Variants in ZNF638 observed in about 807,000 individuals in gnomAD.
The protein encoded by ZNF638 is CTCL tumor antigen se33-1.
ZNF638 carries 46 observed loss-of-function variants against 195.6 expected under a neutral mutation model. That is an observed-to-expected ratio of 0.24 (90% CI 0.19 to 0.30). The LOEUF (loss-of-function observed/expected upper bound fraction) is 0.30. Among genes scored for constraint, ZNF638 ranks in the 10% least tolerant of loss-of-function variants. The pLI is 1.00. For synonymous variants in ZNF638, 845 were observed against 772.0 expected (o/e 1.09, Z -1.57); for missense variants, 2,440 against 2,325.3 (o/e 1.05, Z -1.01).
At position 71,424,694 on chromosome 2, in the gene ZNF638, T is replaced by C. The variant is rs1295571630; in HGVS notation, c.4569T>C (p.Gly1523=). The change falls in exon 23 of 28, where the codon GGT becomes GGC. Residue 1523 remains glycine, a synonymous_variant. Coordinates refer to ENST00000264447, the MANE Select transcript of ZNF638 (RefSeq NM_014497.5). ...QNTKNPKSTT[G]RSSKSKEEPL... ...CTAAGAATCCTAAAAGCACTACTGG[T>C]AGAAGTTCCAAATCTAAAGAGGTAA... The C allele has an allele frequency of 6.2e-7, 1 of 1,613,520 alleles. No homozygotes were observed. Among genetic ancestry groups the C allele is most frequent in the African/African-American group, 1.3e-5 (1 of 74,982 alleles).
chr2:71,380,310 A>G, intron 9 of ZNF638, 30 bp downstream of exon 9: 1 of 1,454,316 alleles, frequency 6.9e-7, no homozygotes, highest in Non-Finnish European at 9.3e-7. Context: ...CATATGTGAG[A>G]ATGAAATGTG....
rs199581220 is a variant in ZNF638 at position 71,349,959 on chromosome 2, A to G, written c.1005A>G (p.Gln335=). 1.2e-5 allele frequency: 20 copies of G among 1,614,152 alleles called. No individual in the cohort carries two copies. In the South Asian group the frequency reaches 1.5e-4, roughly 12 times the overall value. The change falls in exon 2 of 28, where the codon CAA becomes CAG. Residue 335 remains glutamine (Q), a synonymous_variant. Transcript: ENST00000264447. The stretch of plus-strand genomic sequence containing the variant: ...TGATTCCTCCATCTATGAACCAGCA[A>G]CCTTTTTCGTCGGAATTAATTTCAT... ...QSLIPPSMNQ[Q]PFSSELISSV...
At chr2:71,380,055 A>C (rs2079508327) in intron 8 of ZNF638, 167 bp from the exon 9 acceptor site, 1 of 445,876 alleles carries the variant, frequency 2.2e-6, no homozygotes, top group South Asian at 4.2e-5. Context: ...GAAAGATGAG[A>C]TGTAAAATTA....
rs765284347 is a variant in ZNF638, at chr2:71,396,128, CTTG to C, written c.2378-7_2378-5del. 1.7e-5 allele frequency: 27 copies of C among 1,611,302 alleles called. No individual in the cohort carries two copies. In the African/African-American group the frequency reaches 2.3e-4, roughly 14 times the overall value. ...TGTAATGTAGTACTTAAATGTTTTT[CTTG>C]TTGTTTTAGCCAAAACTGGACAAGC... On this transcript the variant is annotated splice_polypyrimidine_tract_variant and intron_variant, in intron 10 of 27. Coordinates refer to ENST00000264447, the MANE Select transcript of ZNF638 (RefSeq NM_014497.5).
intron 26 of ZNF638, 105 bp from the exon 27 acceptor site, chr2:71,433,060 C>A: frequency 1.1e-6 from 1 of 935,184 alleles, no homozygotes; most frequent in Non-Finnish European, 1.7e-6. Context: ...GCCCTCCAAC[C>A]TGGATGACAG....
At chr2:71,336,310 C>T (rs914476005) in intron 1 of ZNF638, among the ~76,000 whole-genome samples, 5 of 136,630 alleles carry the variant, frequency 3.7e-5, no homozygotes, top group African/African-American at 1.3e-4. Context: ...GCGGAGGTTG[C>T]GGTGAGCCGA....
intron 10 of ZNF638, among the ~76,000 whole-genome samples, chr2:71,383,046 G>A (rs1370499801): frequency 6.6e-6 from 1 of 152,204 alleles, no homozygotes; most frequent in African/African-American, 2.4e-5. Context: ...TGTTTGGCTG[G>A]GTGCGATGGC....
Position 71,375,788 on chromosome 2 carries a change from A to G in ZNF638, c.2266-4434A>G, listed in dbSNP as rs1573074421. 3 of 152,374 alleles carry G rather than the reference A, an allele frequency of 2.0e-5. No homozygotes were observed. In the East Asian group the frequency reaches 5.8e-4, roughly 29 times the overall value. The allele number at this position is 152,374 out of a possible 1,614,324, so 9.4% of individuals were successfully genotyped here. On this transcript the variant is annotated intron_variant, in intron 8 of 27. Coordinates refer to ENST00000264447, the MANE Select transcript of ZNF638 (RefSeq NM_014497.5). Reference sequence around the variant, plus strand: ...TTTGAAGGCAAAGAAAGCCTAGCAGATTGATTAAAGTGGAGAAGAGCACTG... The same window carrying G: ...TTTGAAGGCAAAGAAAGCCTAGCAGGTTGATTAAAGTGGAGAAGAGCACTG...
intron 21 of ZNF638, among the ~76,000 whole-genome samples, chr2:71,421,453 T>C (rs74498685): frequency 0.044 from 6,670 of 152,290 alleles, 204 homozygotes; most frequent in Non-Finnish European, 0.066. Flanking sequence ...GAGGTATTTC[T>C]CTAATCTGGT....
intron 16 of ZNF638, among the ~76,000 whole-genome samples, chr2:71,403,652 A>G (rs76191177): frequency 2.0e-5 from 3 of 152,074 alleles, no homozygotes; most frequent in East Asian, 3.9e-4. Flanking sequence ...TTGCCTTAGT[A>G]TAGTAAGTTT....
intron 4 of ZNF638, 152 bp downstream of exon 4, chr2:71,363,343 C>A: frequency 1.7e-6 from 1 of 599,914 alleles, no homozygotes; most frequent in Non-Finnish European, 2.9e-6. Context: ...CTTATTCCAG[C>A]TTAAAGGTGA....
rs752080236 is a variant in ZNF638, at chr2:71,364,079, T to C, written c.1544T>C (p.Met515Thr). Residue 515 changes from methionine to threonine, a missense_variant, in exon 5 of 28, where the codon ATG (methionine) becomes ACG (threonine). Met to Thr is a moderately conservative substitution (Grantham distance 81). This residue lies in a region of ZNF638 where 1,883 missense variants were observed against 1,739.1 expected (regional missense o/e 1.08). Coordinates refer to ENST00000264447, the MANE Select transcript of ZNF638 (RefSeq NM_014497.5). ...CGGTCTCGAAGCCCAATGCATTACA[T>C]GTATAGGCCGAGAAGTCGAAGTCCA... ...FRRSRSPMHYMYRPRSRSPRI... is the reference protein window; with the variant it reads ...FRRSRSPMHYTYRPRSRSPRI... 1.7e-5 allele frequency: 27 copies of C among 1,614,180 alleles called. No homozygotes were observed. The highest frequency in any genetic ancestry group is 2.1e-5 in the Non-Finnish European group (25 of 1,180,038).
At chr2:71,334,890 C>T (rs2078638436) in intron 1 of ZNF638, among the ~76,000 whole-genome samples, 1 of 150,646 alleles carries the variant, frequency 6.6e-6, no homozygotes, top group East Asian at 1.9e-4. Flanking sequence ...CACTGCACTC[C>T]AGCCTGGGCG....
chr2:71,345,501 ACCACCTCAGCCT>A (rs2078836117), intron 1 of ZNF638, among the ~76,000 whole-genome samples: 3 of 152,110 alleles, frequency 2.0e-5, no homozygotes, highest in Non-Finnish European at 4.4e-5. Context: ...AAGCAGTCCT[ACCACCTCAGCCT>A]CCTGAGTAGC....
chr2:71,388,654 C>T (rs777804726), intron 10 of ZNF638: 2 of 904,796 alleles, frequency 2.2e-6, no homozygotes, highest in East Asian at 2.4e-5. Context: ...AGCTGGTGCC[C>T]CTCGTGAGGA....
At chr2:71,390,865 G>GA (rs942390507) in intron 10 of ZNF638, among the ~76,000 whole-genome samples, 3 of 149,426 alleles carry the variant, frequency 2.0e-5, no homozygotes, top group African/African-American at 7.3e-5. Context: ...GATTTGGAGG[G>GA]AAAAAACAGT....
At chr2:71,385,020 G>T (rs929322692) in intron 10 of ZNF638, among the ~76,000 whole-genome samples, 1 of 152,158 alleles carries the variant, frequency 6.6e-6, no homozygotes, top group African/African-American at 2.4e-5. Flanking sequence ...CAGGAGAAGG[G>T]AAAGCTTCCT....
chr2:71,368,545 G>C lies in ZNF638; in HGVS notation c.2142+17G>C. On this transcript the variant is annotated intron_variant, in intron 7 of 27. Coordinates refer to ENST00000264447, the MANE Select transcript of ZNF638 (RefSeq NM_014497.5). Reference sequence around the variant, plus strand: ...AGAAAAGAGGTGAGTCATTTAGTCTGTGGCAAAAATTCATACAAAGTGATT... The same window carrying C: ...AGAAAAGAGGTGAGTCATTTAGTCTCTGGCAAAAATTCATACAAAGTGATT... 2 of 1,607,830 alleles carry C rather than the reference G, an allele frequency of 1.2e-6. No individual in the cohort carries two copies. Among genetic ancestry groups the C allele is most frequent in the Non-Finnish European group, 1.7e-6 (2 of 1,178,360 alleles).
intron 10 of ZNF638, among the ~76,000 whole-genome samples, chr2:71,393,824 T>C (rs571088686): frequency 6.6e-6 from 1 of 152,252 alleles, no homozygotes; most frequent in East Asian, 1.9e-4. Flanking sequence ...GATTGACTTA[T>C]CCCAGTAGGG....
Sources: allele counts gnomAD v4.1 joint callset (sites outside exome capture counted in the v4.1 genomes callset), GRCh38; gene constraint gnomAD v4.1.1; regional missense constraint gnomAD v4.1.1; transcripts MANE v1.5; gene names NCBI Gene and HGNC (gene_info 2026-07-23, HGNC 2026-07-21).